The following RASSF6 variants were observed in gnomAD, a reference collection of about 807,000 sequenced individuals.
RASSF6 encodes the protein Ras association domain family member 6, also known as ras association domain-containing protein 6.
RASSF6 carries 52 observed loss-of-function variants against 44.0 expected under a neutral mutation model. That is an observed-to-expected ratio of 1.18 (90% CI 0.95 to 1.49). RASSF6 has a LOEUF of 1.49. RASSF6 is among the 40% of genes most tolerant of loss of function. The pLI is 0.00. For missense variants in RASSF6, 464 were observed against 393.3 expected, an observed-to-expected ratio of 1.18 and a Z score of -1.52; for synonymous variants, 162 against 124.6, an observed-to-expected ratio of 1.30 and a Z score of -2.00.
chr4:73,578,358 T>C (rs1348377153), intron 8 of RASSF6, among the ~76,000 whole-genome samples: 1 of 152,164 alleles, frequency 6.6e-6, no homozygotes, highest in Non-Finnish European at 1.5e-5. Flanking sequence ...TTGTACAACC[T>C]AGCTGTTCAA....
chr4:73,589,165 A>T (rs1185118028), intron 4 of RASSF6, among the ~76,000 whole-genome samples: 1 of 152,154 alleles, frequency 6.6e-6, no homozygotes, highest in Non-Finnish European at 1.5e-5. Flanking sequence ...TAATCCTAAT[A>T]TATTTGTTAA....
In RASSF6 at chr4:73,575,079, A is replaced by G. The variant is rs1218386342; in HGVS notation, c.*1156T>C. ...TACTGAGAAGTAATGCCTTTGTCTTAAAAATGTTTCATATTTTAATATTGT... is the reference window on the plus strand; with the variant it reads ...TACTGAGAAGTAATGCCTTTGTCTTGAAAATGTTTCATATTTTAATATTGT... On this transcript the variant is annotated 3_prime_UTR_variant, in exon 11 of 11. Coordinates refer to ENST00000307439, the MANE Select transcript of RASSF6 (RefSeq NM_177532.5). 3 of 152,200 alleles carry G rather than the reference A, an allele frequency of 2.0e-5. No homozygotes were observed. The highest frequency in any genetic ancestry group is 7.2e-5 in the African/African-American group (3 of 41,456). The allele number at this position is 152,200 out of a possible 1,614,324, so 9.4% of individuals were successfully genotyped here.
chr4:73,581,906 T>C (rs774347725), intron 7 of RASSF6, 38 bp from the exon 8 acceptor site: 2 of 1,534,058 alleles, frequency 1.3e-6, no homozygotes, highest in Non-Finnish European at 1.8e-6. Flanking sequence ...AAATTCTTTG[T>C]TGTTATATGA....
intron 4 of RASSF6, among the ~76,000 whole-genome samples, chr4:73,589,987 A>G (rs929792543): frequency 1.6e-4 from 25 of 152,180 alleles, no homozygotes; most frequent in Non-Finnish European, 2.9e-4. Context: ...TTCTGTCATG[A>G]CTTGTCCAAA....
At chr4:73,598,098 T>C (rs1725054717) in intron 3 of RASSF6, among the ~76,000 whole-genome samples, 1 of 152,222 alleles carries the variant, frequency 6.6e-6, no homozygotes, top group Non-Finnish European at 1.5e-5. Context: ...AAACTTGCAC[T>C]TGTACCCCTG....
intron 1 of RASSF6, among the ~76,000 whole-genome samples, chr4:73,617,381 ATTAAGGCAC>A (rs1726430414): frequency 6.6e-6 from 1 of 152,208 alleles, no homozygotes. Flanking sequence ...GCAAATTTGT[ATTAAGGCAC>A]TTAAGGCATC....
At position 73,591,618 on chromosome 4, in the gene RASSF6, AG is replaced by A. The variant is rs151143573; in HGVS notation, c.287+1832del. On this transcript the variant is annotated intron_variant, in intron 4 of 10. Coordinates refer to ENST00000307439, the MANE Select transcript of RASSF6 (RefSeq NM_177532.5). ...GCCCCATCAGTCATCAGGTACCTGA[AG>A]TGAGAAATGTGGGGCTCTCTCAGGC... 9.5e-3 allele frequency among the ~76,000 whole-genome samples: 1,454 copies of A among 152,288 alleles called. 27 individuals are homozygous for A. Among genetic ancestry groups the A allele is most frequent in the African/African-American group, 0.033 (1,368 of 41,550 alleles).
chr4:73,616,261 CT>C (rs890200790), intron 1 of RASSF6, among the ~76,000 whole-genome samples: 2 of 150,256 alleles, frequency 1.3e-5, no homozygotes, highest in Non-Finnish European at 3.0e-5. Flanking sequence ...ATCTATCTAT[CT>C]ATCTATACAT....
intron 1 of RASSF6, among the ~76,000 whole-genome samples, chr4:73,614,686 G>T (rs1168415103): frequency 4.6e-5 from 7 of 152,194 alleles, no homozygotes; most frequent in Non-Finnish European, 1.0e-4. Context: ...GCAAATAATT[G>T]CAATGTAGTT....
At chr4:73,617,360 C>T (rs33986730) in intron 1 of RASSF6, among the ~76,000 whole-genome samples, 57,476 of 152,050 alleles carry the variant, frequency 0.38, 11,081 homozygotes, top group South Asian at 0.49. Flanking sequence ...AAAGCAGAAA[C>T]GGTCAGAGAA....
intron 1 of RASSF6, chr4:73,615,833 G>T: frequency 1.5e-6 from 2 of 1,379,030 alleles, no homozygotes; most frequent in Non-Finnish European, 2.0e-6. Flanking sequence ...ATGCTGGAAC[G>T]TGGTTCACCT....
At chr4:73,587,108 G>T (rs1244429611) in intron 5 of RASSF6, among the ~76,000 whole-genome samples, 1 of 152,032 alleles carries the variant, frequency 6.6e-6, no homozygotes, top group East Asian at 1.9e-4. Context: ...GTGTTTATGA[G>T]AATTACATGA....
chr4:73,593,346 A>T, intron 4 of RASSF6, 105 bp downstream of exon 4: 1 of 1,099,498 alleles, frequency 9.1e-7, no homozygotes. Context: ...GATTGTGTGT[A>T]ATCAGTTTTA....
chr4:73,601,906 A>C (rs1182696533), intron 2 of RASSF6, among the ~76,000 whole-genome samples: 4 of 152,214 alleles, frequency 2.6e-5, no homozygotes, highest in Non-Finnish European at 5.9e-5. Context: ...ATTGAACATG[A>C]TACAGTTGCT....
intron 2 of RASSF6, among the ~76,000 whole-genome samples, chr4:73,602,821 G>A (rs766166545): frequency 6.6e-6 from 1 of 152,212 alleles, no homozygotes; most frequent in African/African-American, 2.4e-5. Flanking sequence ...AGGCGCGGTG[G>A]CTCATGCCTG....
intron 1 of RASSF6, among the ~76,000 whole-genome samples, chr4:73,612,939 T>C (rs745847648): frequency 3.3e-5 from 5 of 152,158 alleles, no homozygotes; most frequent in African/African-American, 1.2e-4. Flanking sequence ...TGTAATCTAA[T>C]GAAATTTCAT....
chr4:73,617,545 C>T (rs1470523530), intron 1 of RASSF6, among the ~76,000 whole-genome samples: 1 of 152,134 alleles, frequency 6.6e-6, no homozygotes, highest in African/African-American at 2.4e-5. Flanking sequence ...GATCACGACT[C>T]ATTTTTCCTG....
At chr4:73,587,999 A>G in intron 4 of RASSF6, 65 bp from the exon 5 acceptor site, 1 of 1,062,124 alleles carries the variant, frequency 9.4e-7, no homozygotes, top group South Asian at 1.3e-5. Flanking sequence ...GATGGTTTCC[A>G]GATTTACAAT....
intron 8 of RASSF6, among the ~76,000 whole-genome samples, chr4:73,580,775 T>C (rs7685649): frequency 0.27 from 13,922 of 51,760 alleles, 3,015 homozygotes; most frequent in East Asian, 0.56. Context: ...GGATATTAGC[T>C]CTTTGTCAGA....
Sources: gnomAD v4.1 joint callset for allele counts (sites outside exome capture counted in the v4.1 genomes callset) on GRCh38, gnomAD v4.1.1 for gene constraint, MANE v1.5 for transcripts, NCBI Gene and HGNC (gene_info 2026-07-23, HGNC 2026-07-21) for gene names.